The following EFCAB6 variants were observed in gnomAD, a reference collection of about 807,000 sequenced individuals.
EFCAB6 encodes the protein EF-hand calcium-binding domain-containing protein 6.
Under a neutral mutation model 169.8 loss-of-function variants are expected in EFCAB6, and 156 were observed. The ratio of observed to expected loss-of-function variants is 0.92; its 90% CI spans 0.81 to 1.05. The LOEUF (loss-of-function observed/expected upper bound fraction) is 1.05. EFCAB6 is among the 50% of genes least tolerant of loss of function. EFCAB6 has a pLI of 0.00. For missense variants in EFCAB6, 1,800 were observed against 1,829.1 expected (o/e 0.98, Z 0.29); for synonymous variants, 698 against 676.4 (o/e 1.03, Z -0.50).
intron 2 of EFCAB6, chr22:43,802,645 GA>G: frequency 4.1e-6 from 2 of 490,094 alleles, no homozygotes; most frequent in South Asian, 3.1e-5. Flanking sequence ...CCCCTACAAA[GA>G]AGAGAGAGAA....
intron 29 of EFCAB6, chr22:43,535,750 G>C (rs895798057): frequency 6.6e-6 from 1 of 152,242 alleles, no homozygotes; most frequent in Non-Finnish European, 1.5e-5. Context: ...GTGAGTTGTT[G>C]AGGCAAATGA....
At chr22:43,765,050 T>G (rs2061284698) in intron 5 of EFCAB6, among the ~76,000 whole-genome samples, 1 of 152,240 alleles carries the variant, frequency 6.6e-6, no homozygotes, top group East Asian at 1.9e-4. Flanking sequence ...TATTTTTGTC[T>G]GGTTTTAATT....
intron 2 of EFCAB6, among the ~76,000 whole-genome samples, chr22:43,792,782 C>T (rs139172822): frequency 1.4e-3 from 209 of 152,230 alleles, no homozygotes; most frequent in Admixed American, 6.0e-3. Flanking sequence ...TGCTCTTCCC[C>T]GATATCAAGT....
intron 20 of EFCAB6, among the ~76,000 whole-genome samples, chr22:43,624,860 T>C (rs1171602820): frequency 6.6e-6 from 1 of 152,218 alleles, no homozygotes; most frequent in Non-Finnish European, 1.5e-5. Flanking sequence ...GTCATCTGAA[T>C]GGGAAAACTG....
At chr22:43,742,742 A>C (rs2060420024) in intron 6 of EFCAB6, among the ~76,000 whole-genome samples, 1 of 152,202 alleles carries the variant, frequency 6.6e-6, no homozygotes, top group African/African-American at 2.4e-5. Context: ...GCCATATGCT[A>C]GCCCTGTGCG....
chr22:43,768,894 TAAATC>T (rs2061392787), intron 4 of EFCAB6, among the ~76,000 whole-genome samples: 1 of 152,226 alleles, frequency 6.6e-6, no homozygotes, highest in Non-Finnish European at 1.5e-5. Context: ...AAGTATCACT[TAAATC>T]AAGTTTATGA....
chr22:43,743,994 GATGA>G (rs1478081548), intron 6 of EFCAB6, among the ~76,000 whole-genome samples: 3 of 82,336 alleles, frequency 3.6e-5, no homozygotes, highest in African/African-American at 9.5e-5. Flanking sequence ...TAGGTAAATG[GATGA>G]ATGAATGGAT....
chr22:43,556,714 C>T (rs750169038), intron 26 of EFCAB6, among the ~76,000 whole-genome samples: 2 of 152,190 alleles, frequency 1.3e-5, no homozygotes, highest in Non-Finnish European at 2.9e-5. Context: ...ATACAGGATG[C>T]TGCTGGGAAT....
intron 8 of EFCAB6, among the ~76,000 whole-genome samples, chr22:43,717,510 A>G (rs1249220705): frequency 1.3e-5 from 2 of 152,150 alleles, no homozygotes; most frequent in Admixed American, 6.5e-5. Flanking sequence ...AAATATAAAC[A>G]TCCAATAGAA....
intron 23 of EFCAB6, among the ~76,000 whole-genome samples, chr22:43,599,509 C>CATAAAAAAAA (rs2052324524): frequency 2.3e-5 from 1 of 44,226 alleles, no homozygotes; most frequent in African/African-American, 9.0e-5. Context: ...GATTCCATCT[C>CATAAAAAAAA]AAAAAAAAAA....
At chr22:43,685,354 A>C (rs935839829) in intron 11 of EFCAB6, among the ~76,000 whole-genome samples, 2 of 152,072 alleles carry the variant, frequency 1.3e-5, no homozygotes, top group African/African-American at 4.8e-5. Flanking sequence ...TGCGGGGGGA[A>C]GATTTGCCCT....
intron 6 of EFCAB6, among the ~76,000 whole-genome samples, chr22:43,738,104 AC>A (rs1276352132): frequency 6.7e-6 from 1 of 149,962 alleles, no homozygotes; most frequent in African/African-American, 2.5e-5. Context: ...ATGCACACAC[AC>A]CATCACACAC....
intron 2 of EFCAB6, among the ~76,000 whole-genome samples, chr22:43,794,175 G>A (rs1278234781): frequency 6.6e-6 from 1 of 152,122 alleles, no homozygotes; most frequent in African/African-American, 2.4e-5. Flanking sequence ...CCTTTAAAGA[G>A]GTTCATGTGT....
intron 18 of EFCAB6, among the ~76,000 whole-genome samples, 171 bp downstream of exon 18, chr22:43,634,931 A>G (rs2055267732): frequency 6.6e-6 from 1 of 152,176 alleles, no homozygotes; most frequent in Non-Finnish European, 1.5e-5. Flanking sequence ...AGTTCTGAAT[A>G]TGGTCAGATA....
At chr22:43,660,826 A>T (rs1234316397) in intron 17 of EFCAB6, among the ~76,000 whole-genome samples, 1 of 152,208 alleles carries the variant, frequency 6.6e-6, no homozygotes, top group Admixed American at 6.5e-5. Context: ...AAAAGCAACC[A>T]GGGTGTCTGA....
At chr22:43,770,263 A>T (rs752470026) in intron 4 of EFCAB6, among the ~76,000 whole-genome samples, 1 of 152,148 alleles carries the variant, frequency 6.6e-6, no homozygotes, top group Non-Finnish European at 1.5e-5. Context: ...CAGCCTCCAA[A>T]GCATTGGGAT....
intron 8 of EFCAB6, among the ~76,000 whole-genome samples, chr22:43,723,487 T>G (rs2059612376): frequency 6.6e-6 from 1 of 152,232 alleles, no homozygotes; most frequent in Non-Finnish European, 1.5e-5. Context: ...TAGTACACAA[T>G]GTACTCAGGG....
intron 10 of EFCAB6, among the ~76,000 whole-genome samples, chr22:43,688,507 T>C (rs2058284968): frequency 6.6e-6 from 1 of 152,232 alleles, no homozygotes; most frequent in South Asian, 2.1e-4. Flanking sequence ...AAGATTCCTG[T>C]GGGAGCAACC....
intron 19 of EFCAB6, among the ~76,000 whole-genome samples, chr22:43,629,289 C>T (rs185718636): frequency 1.5e-4 from 23 of 152,330 alleles, no homozygotes; most frequent in Non-Finnish European, 7.3e-5. Context: ...GCTTTGGAAT[C>T]GAGCCGGTGT....
Sources: gnomAD v4.1 joint callset for allele counts (sites outside exome capture counted in the v4.1 genomes callset) on GRCh38, gnomAD v4.1.1 for gene constraint, MANE v1.5 for transcripts, NCBI Gene and HGNC (gene_info 2026-07-23, HGNC 2026-07-21) for gene names.